Variants in ADAMTSL1 observed in about 807,000 individuals in gnomAD.
The protein encoded by ADAMTSL1 is ADAMTS like 1.
A neutral mutation model predicts 201.8 loss-of-function variants in ADAMTSL1; 126 were observed. That is an observed-to-expected ratio of 0.62 (90% CI 0.54 to 0.72). The LOEUF is 0.72. Among genes scored for constraint, ADAMTSL1 ranks in the 30% least tolerant of loss-of-function variants. ADAMTSL1 has a pLI of 0.00. For synonymous variants in ADAMTSL1, 1,121 were observed against 903.4 expected (o/e 1.24, Z -4.32); for missense variants, 2,679 against 2,277.8 (o/e 1.18, Z -3.59).
At chr9:18,669,158 C>T (rs1829653503) in intron 9 of ADAMTSL1, among the ~76,000 whole-genome samples, 1 of 152,222 alleles carries the variant, frequency 6.6e-6, no homozygotes, top group Non-Finnish European at 1.5e-5. Context: ...AATGCCAAGT[C>T]TGGGTGTTTG....
chr9:18,504,799 T>C, intron 1 of ADAMTSL1, 30 bp from the exon 2 acceptor site: 5 of 1,614,164 alleles, frequency 3.1e-6, no homozygotes, highest in Non-Finnish European at 4.2e-6. Flanking sequence ...ATGGGGGATA[T>C]GATGCTGACC....
intron 1 of ADAMTSL1, among the ~76,000 whole-genome samples, chr9:18,065,410 G>C (rs184165627): frequency 2.0e-5 from 3 of 152,234 alleles, no homozygotes; most frequent in Admixed American, 2.0e-4. Context: ...TCAATCATTT[G>C]CATGCCCTCT....
chr9:18,684,393 GA>G (rs1830698568), intron 12 of ADAMTSL1, among the ~76,000 whole-genome samples: 1 of 152,136 alleles, frequency 6.6e-6, no homozygotes, highest in South Asian at 2.1e-4. Context: ...TTTCAAGAGG[GA>G]ATGGTAAAAA....
chr9:18,038,738 C>A (rs1253504324), intron 1 of ADAMTSL1, among the ~76,000 whole-genome samples: 1 of 152,208 alleles, frequency 6.6e-6, no homozygotes, highest in South Asian at 2.1e-4. Context: ...TTACCACCAA[C>A]TTTTCACATG....
chr9:18,359,629 C>T (rs1265437267), intron 2 of ADAMTSL1, among the ~76,000 whole-genome samples: 1 of 152,128 alleles, frequency 6.6e-6, no homozygotes, highest in Non-Finnish European at 1.5e-5. Context: ...AAGGAAATGA[C>T]TGCTTTCTTC....
rs397893715 is a variant in ADAMTSL1, at chr9:18,099,355, ATTT to A, written c.88-64492_88-64490del. Among the ~76,000 whole-genome samples, 283 of 45,422 alleles carry A rather than the reference ATTT, an allele frequency of 6.2e-3. 4 individuals are homozygous for A. Among genetic ancestry groups the A allele is most frequent in the Middle Eastern group, 0.019 (1 of 54 alleles). 29.8% of individuals were successfully genotyped at this position (45,422 alleles called of 152,430 possible). On this transcript the variant is annotated intron_variant, in intron 1 of 29. Coordinates refer to the ADAMTSL1 transcript ENST00000680146. Reference sequence around the variant, plus strand: ...TATATATATATATATATATATATATATTTTTTTTTTTTTTTTTAACATCCATTA... The same window carrying A: ...TATATATATATATATATATATATATATTTTTTTTTTTTTTAACATCCATTA...
At chr9:18,477,343 A>G (rs1201769465) in intron 1 of ADAMTSL1, among the ~76,000 whole-genome samples, 2 of 152,214 alleles carry the variant, frequency 1.3e-5, no homozygotes, top group African/African-American at 4.8e-5. Context: ...ACTAGGAATT[A>G]TAATAAAGTA....
intron 2 of ADAMTSL1, among the ~76,000 whole-genome samples, chr9:18,221,286 G>C (rs1830249580): frequency 6.6e-6 from 1 of 152,010 alleles, no homozygotes; most frequent in African/African-American, 2.4e-5. Flanking sequence ...ATTTATTTTT[G>C]TTGGTCTTTT....
chr9:18,606,528 C>T (rs938331228), intron 4 of ADAMTSL1, among the ~76,000 whole-genome samples: 1 of 152,176 alleles, frequency 6.6e-6, no homozygotes, highest in African/African-American at 2.4e-5. Flanking sequence ...CTTGAGGATA[C>T]ACACTGTTTG....
intron 1 of ADAMTSL1, among the ~76,000 whole-genome samples, chr9:18,031,773 G>A (rs549037308): frequency 1.3e-5 from 2 of 152,148 alleles, no homozygotes; most frequent in Non-Finnish European, 2.9e-5. Context: ...GGTGGCCTGA[G>A]CCAAAGGTTA....
intron 2 of ADAMTSL1, among the ~76,000 whole-genome samples, chr9:18,431,431 G>A (rs1022642130): frequency 3.5e-4 from 53 of 152,120 alleles, no homozygotes; most frequent in Admixed American, 3.4e-3. Context: ...AGACAATTAT[G>A]AGCATCCTTT....
chr9:18,340,540 G>A (rs990102481), intron 2 of ADAMTSL1, among the ~76,000 whole-genome samples: 2 of 152,018 alleles, frequency 1.3e-5, no homozygotes, highest in Non-Finnish European at 2.9e-5. Context: ...GCTCTATTAA[G>A]TCTATGATAT....
intron 3 of ADAMTSL1, among the ~76,000 whole-genome samples, chr9:18,545,422 C>CA (rs748433625): frequency 1.3e-5 from 2 of 151,768 alleles, no homozygotes; most frequent in African/African-American, 2.4e-5. Flanking sequence ...AACTGAGATC[C>CA]AAAAAGTTTA....
chr9:18,704,183 A>G (rs969080223), intron 13 of ADAMTSL1, among the ~76,000 whole-genome samples: 3 of 152,196 alleles, frequency 2.0e-5, no homozygotes, highest in South Asian at 4.1e-4. Context: ...CTAAAGTTTT[A>G]TTGGAACACA....
chr9:18,602,924 C>A (rs1402171566), intron 4 of ADAMTSL1, among the ~76,000 whole-genome samples: 2 of 152,164 alleles, frequency 1.3e-5, no homozygotes, highest in Non-Finnish European at 2.9e-5. Flanking sequence ...TTGATACTTA[C>A]TTTCTAAATA....
chr9:17,981,932 C>T (rs1588518288), intron 1 of ADAMTSL1, among the ~76,000 whole-genome samples: 1 of 152,116 alleles, frequency 6.6e-6, no homozygotes, highest in Non-Finnish European at 1.5e-5. Flanking sequence ...TGGACTTTGG[C>T]CTTGACTTCT....
intron 2 of ADAMTSL1, among the ~76,000 whole-genome samples, chr9:18,453,095 C>T (rs975013390): frequency 2.0e-5 from 3 of 152,226 alleles, no homozygotes; most frequent in Non-Finnish European, 2.9e-5. Flanking sequence ...CCGCACAGCT[C>T]TTGCTCTCTG....
chr9:18,804,826 C>A (rs754793434), intron 20 of ADAMTSL1, among the ~76,000 whole-genome samples: 5 of 152,168 alleles, frequency 3.3e-5, no homozygotes, highest in Non-Finnish European at 7.4e-5. Context: ...CAGAGTCTAG[C>A]ATTTCTTAAG....
intron 1 of ADAMTSL1, among the ~76,000 whole-genome samples, chr9:17,990,552 A>G (rs1819112580): frequency 6.6e-6 from 1 of 152,040 alleles, no homozygotes; most frequent in South Asian, 2.1e-4. Flanking sequence ...AATATAAGTC[A>G]TTGCACTTAT....
Sources: allele counts gnomAD v4.1 joint callset (sites outside exome capture counted in the v4.1 genomes callset), GRCh38; gene constraint gnomAD v4.1.1; transcripts MANE v1.5; gene names NCBI Gene and HGNC (gene_info 2026-07-23, HGNC 2026-07-21).